The following CECR2 variants were observed in gnomAD, a reference collection of about 807,000 sequenced individuals.
CECR2 encodes the protein chromatin remodeling regulator CECR2.
A neutral mutation model predicts 154.5 loss-of-function variants in CECR2; 30 were observed. The ratio of observed to expected loss-of-function variants is 0.19; its 90% CI spans 0.15 to 0.26. CECR2 has a LOEUF of 0.26. CECR2 is among the 10% of genes least tolerant of loss of function. CECR2 has a pLI of 1.00. For synonymous variants in CECR2, 725 were observed against 683.7 expected (o/e 1.06, Z -0.94); for missense variants, 1,743 against 1,829.3 (o/e 0.95, Z 0.86).
intron 1 of CECR2, among the ~76,000 whole-genome samples, chr22:17,466,828 G>C (rs1302324975): frequency 6.6e-6 from 1 of 152,170 alleles, no homozygotes; most frequent in Non-Finnish European, 1.5e-5. Context: ...TCCTGACCTT[G>C]TGATCCTCCC....
rs546835672 is a variant in CECR2 at position 17,395,375 on chromosome 22, C to T, written c.126+25466C>T. Among the ~76,000 whole-genome samples, 7 of 151,614 alleles carry T rather than the reference C, an allele frequency of 4.6e-5. No homozygotes were observed. The South Asian group carries it at 1.2e-3, about 27-fold the overall frequency. ...CTCTTTTTTTTTTGAGATGGAGTCT[C>T]GCTCTGTCGCCCAGGCTGGAGTGCA... On this transcript the variant is annotated intron_variant, in intron 1 of 18. Coordinates refer to ENST00000262608, the MANE Select transcript of CECR2 (RefSeq NM_001290047.2).
At chr22:17,518,564 A>T in intron 8 of CECR2, 1 of 302,612 alleles carries the variant, frequency 3.3e-6, no homozygotes, top group Non-Finnish European at 6.6e-6. Context: ...CTTCTCTGCA[A>T]CTGTCTTCCT....
chr22:17,548,615 G>C lies in CECR2; in HGVS notation c.3328G>C (p.Gly1110Arg). Residue 1110 changes from glycine to arginine, a missense_variant, in exon 17 of 19, where the codon GGA becomes CGA. Transcript: ENST00000262608. Reference sequence around the variant, plus strand: ...GCCCAGCACAGACCCCGGTTTGACGGGAGGCACTGTGAGCCAGTTTCCCCC... The same window carrying C: ...GCCCAGCACAGACCCCGGTTTGACGCGAGGCACTGTGAGCCAGTTTCCCCC... ...TPPSTDPGLT[G>R]GTVSQFPPLY... The C allele has an allele frequency of 6.2e-7, 1 of 1,613,352 alleles. No individual in the cohort carries two copies. Among genetic ancestry groups the C allele is most frequent in the South Asian group, 1.1e-5 (1 of 90,936 alleles).
intron 1 of CECR2, chr22:17,477,064 CCCAAAATAAAAATTG>C (rs1015790500): frequency 2.8e-6 from 2 of 712,380 alleles, no homozygotes; most frequent in African/African-American, 3.5e-5. Context: ...GGTGTGGCAT[CCCAAAATAAAAATTG>C]TCATTATCAC....
At chr22:17,431,909 C>T (rs776038518) in intron 1 of CECR2, among the ~76,000 whole-genome samples, 1 of 152,214 alleles carries the variant, frequency 6.6e-6, no homozygotes, top group Non-Finnish European at 1.5e-5. Flanking sequence ...ACATTTTCAA[C>T]ACCCCAAACC....
At chr22:17,537,326 T>G in intron 10 of CECR2, 94 bp downstream of exon 10, 1 of 1,439,986 alleles carries the variant, frequency 6.9e-7, no homozygotes, top group Non-Finnish European at 9.6e-7. Context: ...AGAACAGCCC[T>G]GTTGGGTAAC....
chr22:17,490,307 G>A (rs2055504752), intron 2 of CECR2, among the ~76,000 whole-genome samples: 3 of 151,942 alleles, frequency 2.0e-5, no homozygotes, highest in African/African-American at 7.3e-5. Flanking sequence ...ATATAGTCCT[G>A]GGAAGTTGTT....
intron 1 of CECR2, among the ~76,000 whole-genome samples, chr22:17,410,851 T>G (rs778238694): frequency 1.3e-5 from 2 of 152,252 alleles, no homozygotes; most frequent in Admixed American, 6.5e-5. Context: ...ACATTTGTCT[T>G]TCTTTTCTCT....
At chr22:17,395,697 G>A (rs2053798414) in intron 1 of CECR2, among the ~76,000 whole-genome samples, 1 of 152,008 alleles carries the variant, frequency 6.6e-6, no homozygotes, top group African/African-American at 2.4e-5. Context: ...ATATTATCCT[G>A]TACGACCACT....
intron 1 of CECR2, among the ~76,000 whole-genome samples, chr22:17,451,035 G>A (rs1253424887): frequency 1.3e-5 from 2 of 152,316 alleles, no homozygotes; most frequent in African/African-American, 2.4e-5. Context: ...GCTTATAAGC[G>A]TTCCCACTCC....
At chr22:17,375,913 C>T (rs1048738783) in intron 1 of CECR2, among the ~76,000 whole-genome samples, 16 of 151,352 alleles carry the variant, frequency 1.1e-4, no homozygotes, top group African/African-American at 3.7e-4. Context: ...TGAGATCGCG[C>T]CATTGCACTC....
chr22:17,430,625 G>A (rs1216391732), intron 1 of CECR2, among the ~76,000 whole-genome samples: 1 of 152,174 alleles, frequency 6.6e-6, no homozygotes, highest in Non-Finnish European at 1.5e-5. Context: ...GAGGAAAGAA[G>A]GGTTCATCCT....
At chr22:17,527,603 C>T (rs2056286363) in intron 9 of CECR2, among the ~76,000 whole-genome samples, 1 of 152,050 alleles carries the variant, frequency 6.6e-6, no homozygotes, top group Non-Finnish European at 1.5e-5. Context: ...CCTGCCTCTA[C>T]TAAAAATACT....
At chr22:17,391,167 G>T (rs940906712) in intron 1 of CECR2, among the ~76,000 whole-genome samples, 5 of 152,090 alleles carry the variant, frequency 3.3e-5, no homozygotes, top group African/African-American at 9.7e-5. Flanking sequence ...TCACATTTAG[G>T]AAAATTAACA....
chr22:17,448,187 G>T (rs997352509), intron 1 of CECR2, among the ~76,000 whole-genome samples: 1 of 152,096 alleles, frequency 6.6e-6, no homozygotes, highest in Non-Finnish European at 1.5e-5. Context: ...CATGTAATTA[G>T]CTCAAACGAG....
intron 9 of CECR2, among the ~76,000 whole-genome samples, chr22:17,533,461 C>G (rs1215552556): frequency 6.6e-6 from 1 of 151,836 alleles, no homozygotes; most frequent in African/African-American, 2.4e-5. Context: ...GAAACCCCGT[C>G]TCTACTAAAA....
chr22:17,362,835 G>A (rs1157271777), intron 1 of CECR2, among the ~76,000 whole-genome samples: 2 of 143,660 alleles, frequency 1.4e-5, no homozygotes, highest in African/African-American at 2.6e-5. Flanking sequence ...CTGGGAGGCA[G>A]AGGTTGCAGT....
chr22:17,403,331 T>C (rs5747103), intron 1 of CECR2, among the ~76,000 whole-genome samples: 101,128 of 152,052 alleles, frequency 0.67, 34,121 homozygotes, highest in African/African-American at 0.74. Context: ...GATGATGTAT[T>C]GTTTTTGCTT....
At chr22:17,416,317 AAT>A (rs898240827) in intron 1 of CECR2, among the ~76,000 whole-genome samples, 1 of 152,102 alleles carries the variant, frequency 6.6e-6, no homozygotes, top group African/African-American at 2.4e-5. Flanking sequence ...AAGAAGATGG[AAT>A]ATATATATGT....
Sources: gnomAD v4.1 joint callset for allele counts (sites outside exome capture counted in the v4.1 genomes callset) on GRCh38, gnomAD v4.1.1 for gene constraint, MANE v1.5 for transcripts, NCBI Gene and HGNC (gene_info 2026-07-23, HGNC 2026-07-21) for gene names.